The following RAD54B variants were observed in gnomAD, a reference collection of about 807,000 sequenced individuals.
RAD54B encodes DNA repair and recombination protein RAD54B.
A neutral mutation model predicts 95.8 loss-of-function variants in RAD54B; 78 were observed. The observed-to-expected ratio is 0.81, with a 90% CI of 0.68 to 0.98. The LOEUF is 0.98. RAD54B is among the 50% of genes least tolerant of loss of function. RAD54B has a pLI of 0.00. For missense variants in RAD54B, 957 were observed against 1,056.6 expected, an observed-to-expected ratio of 0.91 and a Z score of 1.31; for synonymous variants, 328 against 354.9, an observed-to-expected ratio of 0.92 and a Z score of 0.85.
chr8:94,474,379 T>C (rs921065638), intron 1 of RAD54B, among the ~76,000 whole-genome samples: 6 of 152,190 alleles, frequency 3.9e-5, no homozygotes, highest in African/African-American at 1.4e-4. Context: ...GAAAATAATT[T>C]TTTTGATAAC....
At chr8:94,375,049 A>T (rs940577381) in intron 14 of RAD54B, among the ~76,000 whole-genome samples, 2 of 152,206 alleles carry the variant, frequency 1.3e-5, no homozygotes, top group Admixed American at 6.5e-5. Flanking sequence ...AGGCTATGGG[A>T]AAATAGACAT....
rs900513831 is a variant in RAD54B, at chr8:94,411,265, A to T, written c.355T>A (p.Ser119Thr). ...VAVSKEQEEK[S>T]DSLVKYFSVV... is the part of the protein sequence containing the mutation. ...CTGAAATATTTAACTAGGCTATCAG[A>T]TTTCTCTTCTTGTTCCTTGGACACT... Residue 119 changes from serine (S) to threonine (T), a missense_variant, in exon 4 of 15, where the codon TCT becomes ACT. Physicochemically the swap from Ser to Thr is moderately conservative, Grantham distance 58. Coordinates refer to ENST00000336148, the MANE Select transcript of RAD54B (RefSeq NM_012415.3). 2 of 1,607,700 alleles carry T rather than the reference A, an allele frequency of 1.2e-6. No homozygotes were observed. The highest frequency in any genetic ancestry group is 1.7e-6 in the Non-Finnish European group (2 of 1,178,358).
chr8:94,413,551 A>G (rs1290211965), intron 3 of RAD54B, among the ~76,000 whole-genome samples: 1 of 152,224 alleles, frequency 6.6e-6, no homozygotes, highest in Non-Finnish European at 1.5e-5. Flanking sequence ...AATTCAACTC[A>G]AAATGAATGA....
intron 14 of RAD54B, 136 bp from the exon 15 acceptor site, chr8:94,372,523 A>G (rs1563631262): frequency 7.0e-7 from 1 of 1,421,510 alleles, no homozygotes; most frequent in Non-Finnish European, 9.3e-7. Flanking sequence ...AAACAAATTC[A>G]TTCTTTTTAC....
intron 7 of RAD54B, among the ~76,000 whole-genome samples, chr8:94,399,955 C>T (rs1026259162): frequency 3.3e-5 from 5 of 151,498 alleles, no homozygotes; most frequent in African/African-American, 9.7e-5. Context: ...GCTCTGGTTA[C>T]GGAGGCACTA....
At chr8:94,412,623 TA>T (rs1435543793) in intron 3 of RAD54B, among the ~76,000 whole-genome samples, 7 of 152,148 alleles carry the variant, frequency 4.6e-5, no homozygotes, top group African/African-American at 1.7e-4. Flanking sequence ...CTATGTCTTT[TA>T]CGTCATACAC....
At chr8:94,456,060 T>A (rs1186827891) in intron 3 of RAD54B, among the ~76,000 whole-genome samples, 1 of 152,158 alleles carries the variant, frequency 6.6e-6, no homozygotes, top group African/African-American at 2.4e-5. Context: ...AGTACTGAAC[T>A]GGATTGTTCA....
At position 94,387,160 on chromosome 8, in the gene RAD54B, C is replaced by G; in HGVS notation, c.1810-1G>C. ...CACAAGTTGAGCTACATTCCTTTTC[C>G]TATTCAAAATGATGATTGTTAATGC... is the stretch of plus-strand genomic sequence containing the variant. On this transcript the variant is annotated splice_acceptor_variant, in intron 10 of 14. Coordinates refer to ENST00000336148, the MANE Select transcript of RAD54B (RefSeq NM_012415.3). LOFTEE classifies it high-confidence loss of function. 1 of 1,574,012 alleles carries G rather than the reference C, an allele frequency of 6.4e-7. No individual in the cohort carries two copies. The highest frequency in any genetic ancestry group is 8.6e-7 in the Non-Finnish European group (1 of 1,165,630).
At chr8:94,409,836 A>C (rs1039410855) in intron 4 of RAD54B, among the ~76,000 whole-genome samples, 4 of 152,220 alleles carry the variant, frequency 2.6e-5, no homozygotes, top group African/African-American at 9.6e-5. Context: ...AGTAATTGTG[A>C]TAATTTTTCC....
intron 2 of RAD54B, among the ~76,000 whole-genome samples, chr8:94,466,579 T>A (rs1342598327): frequency 6.6e-6 from 1 of 152,078 alleles, no homozygotes; most frequent in East Asian, 1.9e-4. Context: ...GGCTAGTTTT[T>A]GTATTTTTAG....
At chr8:94,390,166 C>A (rs983080495) in intron 10 of RAD54B, among the ~76,000 whole-genome samples, 2 of 151,232 alleles carry the variant, frequency 1.3e-5, no homozygotes, top group African/African-American at 4.9e-5. Context: ...AGAGTGAGAC[C>A]CCATCTCTAT....
At chr8:94,390,362 T>A (rs1370481344) in intron 10 of RAD54B, among the ~76,000 whole-genome samples, 1 of 150,904 alleles carries the variant, frequency 6.6e-6, no homozygotes, top group African/African-American at 2.4e-5. Context: ...TAGCTGGGTG[T>A]GGTGGCAGGC....
chr8:94,386,469 A>G (rs552723577), intron 11 of RAD54B, among the ~76,000 whole-genome samples: 1 of 152,302 alleles, frequency 6.6e-6, no homozygotes, highest in Admixed American at 6.5e-5. Context: ...AGAAGAGAGG[A>G]CTGAACTAGA....
chr8:94,465,493 A>C (rs563479150), intron 2 of RAD54B, among the ~76,000 whole-genome samples: 92 of 152,210 alleles, frequency 6.0e-4, no homozygotes, highest in Non-Finnish European at 1.1e-3. Context: ...ATAATAAAAA[A>C]ATTTTTTAAA....
chr8:94,452,207 T>C (rs1414810620), intron 3 of RAD54B, among the ~76,000 whole-genome samples: 5 of 152,244 alleles, frequency 3.3e-5, no homozygotes, highest in African/African-American at 1.2e-4. Context: ...CCTCACCTCC[T>C]AATATTAATA....
chr8:94,384,385 A>C (rs1408995270), intron 11 of RAD54B, among the ~76,000 whole-genome samples: 2 of 152,220 alleles, frequency 1.3e-5, no homozygotes, highest in Non-Finnish European at 2.9e-5. Context: ...GTTAAGTGAA[A>C]TTGGTCAGTA....
intron 3 of RAD54B, among the ~76,000 whole-genome samples, chr8:94,446,174 G>C (rs1042783678): frequency 6.6e-6 from 1 of 152,132 alleles, no homozygotes; most frequent in Non-Finnish European, 1.5e-5. Context: ...AGATAAATTA[G>C]ATATAATAGT....
chr8:94,450,891 A>G (rs977865800), intron 3 of RAD54B, among the ~76,000 whole-genome samples: 2 of 152,180 alleles, frequency 1.3e-5, no homozygotes, highest in Non-Finnish European at 2.9e-5. Context: ...ATTAATAGGT[A>G]AATATATTTA....
At chr8:94,427,230 G>A (rs1032677700) in intron 3 of RAD54B, among the ~76,000 whole-genome samples, 5 of 151,684 alleles carry the variant, frequency 3.3e-5, no homozygotes, top group South Asian at 2.1e-4. Flanking sequence ...TGATATGAGC[G>A]ATATTTTTAT....
Sources: gnomAD v4.1 joint callset for allele counts (sites outside exome capture counted in the v4.1 genomes callset) on GRCh38, gnomAD v4.1.1 for gene constraint, MANE v1.5 for transcripts, NCBI Gene and HGNC (gene_info 2026-07-23, HGNC 2026-07-21) for gene names.